The following GALC variants were observed in gnomAD, a reference collection of about 807,000 sequenced individuals.
GALC encodes galactocerebrosidase.
GALC carries 77 observed loss-of-function variants against 91.8 expected under a neutral mutation model. The ratio of observed to expected loss-of-function variants is 0.84; its 90% CI spans 0.70 to 1.01. The LOEUF is 1.01. Among genes scored for constraint, GALC ranks in the 50% least tolerant of loss-of-function variants. The pLI is 0.00. For missense variants in GALC, 882 were observed against 855.9 expected (o/e 1.03, Z -0.38); for synonymous variants, 357 against 306.7 (o/e 1.16, Z -1.71).
upstream of GALC, chr14:87,993,375 G>A (rs1555384429): frequency 1.3e-6 from 2 of 1,535,524 alleles, no homozygotes; most frequent in Non-Finnish European, 1.7e-6. Flanking sequence ...GATTTCACAT[G>A]TACTTACTGC....
Position 87,971,944 on chromosome 14 carries a change from T to C in GALC, c.753-3454A>G, listed in dbSNP as rs570809684. Among the ~76,000 whole-genome samples the C allele has an allele frequency of 3.3e-5, 5 of 152,184 alleles. No homozygotes were observed. The South Asian group carries it at 1.0e-3, about 32-fold the overall frequency. Reference sequence around the variant, plus strand: ...TTGAGGGAGAACAACTTTCAGTCACTAAGAAGAATGGGGCCCAGCAGAAAC... The same window carrying C: ...TTGAGGGAGAACAACTTTCAGTCACCAAGAAGAATGGGGCCCAGCAGAAAC... On this transcript the variant is annotated intron_variant, in intron 7 of 16. Transcript: ENST00000261304.
rs1884451638 is a variant in GALC, at chr14:87,933,616, A to G, written c.*1116T>C. ...TATGTTAGACTCTTACAAATTCCTA[A>G]ATAGTAGAATTAGTTCAATGAGTAA... is the stretch of plus-strand genomic sequence containing the variant. On this transcript the variant is annotated 3_prime_UTR_variant, in exon 17 of 17. Transcript: ENST00000261304. The G allele has an allele frequency of 1.1e-5, 2 of 188,368 alleles. No homozygotes were observed. The highest frequency in any genetic ancestry group is 2.2e-5 in the Non-Finnish European group (2 of 92,358). The allele number at this position is 188,368 out of a possible 1,614,324, so 11.7% of individuals were successfully genotyped here.
intron 15 of GALC, among the ~76,000 whole-genome samples, chr14:87,941,071 G>A (rs1471715102): frequency 1.3e-5 from 2 of 151,814 alleles, no homozygotes; most frequent in Non-Finnish European, 2.9e-5. Flanking sequence ...GGTGCCTCCT[G>A]AGCATTCTCT....
At chr14:87,990,426 A>G (rs965032441) in intron 1 of GALC, among the ~76,000 whole-genome samples, 1 of 152,228 alleles carries the variant, frequency 6.6e-6, no homozygotes, top group Non-Finnish European at 1.5e-5. Flanking sequence ...ATGTATGTAA[A>G]GGACTTGGCA....
chr14:87,963,256 G>T, intron 10 of GALC, 128 bp downstream of exon 10: 1 of 970,412 alleles, frequency 1.0e-6, no homozygotes, highest in Non-Finnish European at 1.6e-6. Flanking sequence ...TTAAATGAAA[G>T]CCATAAGATC....
chr14:87,969,238 G>C (rs1453287520), intron 7 of GALC, among the ~76,000 whole-genome samples: 3 of 152,108 alleles, frequency 2.0e-5, no homozygotes, highest in Admixed American at 2.0e-4. Flanking sequence ...CTAGCATCTA[G>C]AGAAGAGAGG....
In GALC at chr14:87,976,434, T is replaced by C. The variant is rs1032231866; in HGVS notation, c.676A>G (p.Ser226Gly). 8 of 1,613,630 alleles carry C rather than the reference T, an allele frequency of 5.0e-6. No homozygotes were observed. The highest frequency in any genetic ancestry group is 6.8e-6 in the Non-Finnish European group (8 of 1,179,510). Residue 226 changes from serine to glycine, a missense_variant, in exon 7 of 17, where the codon AGT becomes GGT. Coordinates refer to ENST00000261304, the MANE Select transcript of GALC (RefSeq NM_000153.4). ...GAGATGGACTCCCAGAGATTATCACTTGCTATGATTTTCACTCGCTGGAGA... is the reference window on the plus strand; with the variant it reads ...GAGATGGACTCCCAGAGATTATCACCTGCTATGATTTTCACTCGCTGGAGA... ...QGLQRVKIIA[S>G]DNLWESISAS...
intron 14 of GALC, among the ~76,000 whole-genome samples, chr14:87,942,729 C>T (rs759068266): frequency 3.9e-5 from 6 of 151,924 alleles, no homozygotes; most frequent in Non-Finnish European, 8.8e-5. Flanking sequence ...AATTTTACTA[C>T]ATAAAGGAAA....
At position 87,939,918 on chromosome 14, in the gene GALC, G is replaced by T; in HGVS notation, c.1898C>A (p.Thr633Lys). 1 of 1,607,550 alleles carries T rather than the reference G, an allele frequency of 6.2e-7. No homozygotes were observed. The highest frequency in any genetic ancestry group is 1.3e-5 in the African/African-American group (1 of 74,782). ...AGCAATACTTACCTTAATAGTTAAC[G>T]TGAGTGTATACCATTTTTTTGCTGT... ...EVTAKKWYTL[T>K]LTIKGHFTSG... The change falls in exon 16 of 17, where the codon ACG becomes AAG. Residue 633 changes from threonine (T) to lysine (K), a missense_variant. Thr to Lys is a moderately conservative substitution (Grantham distance 78, BLOSUM62 -1). Transcript: ENST00000261304.
chr14:87,961,159 T>C (rs576423677), intron 10 of GALC, among the ~76,000 whole-genome samples: 2 of 152,270 alleles, frequency 1.3e-5, no homozygotes, highest in East Asian at 1.9e-4. Context: ...AGAGTTTAAA[T>C]AGACATTTCT....
At position 87,954,127 on chromosome 14, in the gene GALC, G is replaced by C. The variant is rs1178812601; in HGVS notation, c.1162-3379C>G. ...TCTATTCAGCCTGAAGAATATTCCA[G>C]TGTAGTTAGTGATGTTGTACTTCAA... is the stretch of plus-strand genomic sequence containing the variant. On this transcript the variant is annotated intron_variant, in intron 10 of 16. Transcript: ENST00000261304. The C allele has an allele frequency of 6.8e-6, 11 of 1,608,516 alleles. No individual in the cohort carries two copies. In the African/African-American group the frequency reaches 1.5e-4, roughly 22 times the overall value.
At chr14:87,954,603 C>G in intron 10 of GALC, 1 of 1,589,626 alleles carries the variant, frequency 6.3e-7, no homozygotes, top group Non-Finnish European at 8.6e-7. Context: ...AAAAGTGCAC[C>G]TTCCTTTTGG....
At chr14:87,955,113 A>T (rs573496516) in intron 10 of GALC, 5 of 1,350,222 alleles carry the variant, frequency 3.7e-6, no homozygotes, top group Non-Finnish European at 5.3e-6. Flanking sequence ...TTTTTGTGTT[A>T]GATGAAAGCA....
intron 10 of GALC, chr14:87,954,651 G>A: frequency 1.9e-6 from 3 of 1,576,620 alleles, no homozygotes; most frequent in Non-Finnish European, 2.6e-6. Flanking sequence ...GAGGATAAAT[G>A]TTCAGGAGTG....
intron 3 of GALC, among the ~76,000 whole-genome samples, chr14:87,987,227 T>A (rs1287625416): frequency 6.6e-6 from 1 of 152,242 alleles, no homozygotes; most frequent in Non-Finnish European, 1.5e-5. Flanking sequence ...TTCACCAACA[T>A]CTGCCCTTGC....
chr14:87,937,554 C>G (rs1031199325), intron 16 of GALC, among the ~76,000 whole-genome samples: 5 of 151,728 alleles, frequency 3.3e-5, no homozygotes, highest in African/African-American at 9.7e-5. Flanking sequence ...AGTAGCAAGA[C>G]AAGAGCCAAT....
At chr14:87,973,814 C>T (rs2140011378) in intron 7 of GALC, among the ~76,000 whole-genome samples, 2 of 152,294 alleles carry the variant, frequency 1.3e-5, no homozygotes, top group Middle Eastern at 6.8e-3. Context: ...TGGCCTCCAT[C>T]CATCGGATTC....
Position 87,965,571 on chromosome 14 carries a change from C to A in GALC, c.967G>T (p.Gly323Trp), listed in dbSNP as rs1472207768. 2 of 1,613,386 alleles carry A rather than the reference C, an allele frequency of 1.2e-6. No individual in the cohort carries two copies. Among genetic ancestry groups the A allele is most frequent in the Admixed American group, 3.3e-5 (2 of 59,926 alleles). Reference protein sequence around the residue: ...YYEQLPYGRCGLMTAQEPWSG... With the variant: ...YYEQLPYGRCWLMTAQEPWSG... Reference sequence around the variant, plus strand: ...CATGGCTCCTGGGCCGTCATCAACCCGCATCTCCCATAAGGCAACTGTTCA... The same window carrying A: ...CATGGCTCCTGGGCCGTCATCAACCAGCATCTCCCATAAGGCAACTGTTCA... The change falls in exon 9 of 17, where the codon GGG (glycine) becomes TGG (tryptophan). Residue 323 changes from glycine (G) to tryptophan (W), a missense_variant. By Grantham distance (184) the Gly-to-Trp change is radical. Transcript: ENST00000261304.
At chr14:87,950,532 T>C in intron 11 of GALC, 127 bp downstream of exon 11, 1 of 650,882 alleles carries the variant, frequency 1.5e-6, no homozygotes, top group Non-Finnish European at 2.8e-6. Context: ...CACCAGGGCC[T>C]CTGTCAATTC....
Sources: allele counts gnomAD v4.1 joint callset (sites outside exome capture counted in the v4.1 genomes callset), GRCh38; gene constraint gnomAD v4.1.1; transcripts MANE v1.5; gene names NCBI Gene and HGNC (gene_info 2026-07-23, HGNC 2026-07-21).